CIAPIN1: variants seen among roughly 807,000 people sequenced by gnomAD.
CIAPIN1 encodes the protein cytokine induced apoptosis inhibitor 1, also known as anamorsin.
Under a neutral mutation model 34.3 loss-of-function variants are expected in CIAPIN1, and 18 were observed. That is an observed-to-expected ratio of 0.52 (90% CI 0.36 to 0.78). The LOEUF is 0.78. Ranked by LOEUF, CIAPIN1 falls within the 30% of genes least tolerant of loss-of-function variation. The probability of loss-of-function intolerance (pLI) is 0.00; values close to 1 mark genes in which losing one functional copy is unlikely to be tolerated. For missense variants in CIAPIN1, 310 were observed against 372.5 expected (o/e 0.83, Z 1.38); for synonymous variants, 131 against 140.4 (o/e 0.93, Z 0.47).
chr16:57,429,069 C>CATCCCA lies in CIAPIN1; in HGVS notation c.*100_*101insTGGGAT. ...AAGCACCCACTCTGCAAACAGATCT[C>CATCCCA]AGAGTGAACAAATCCAGAGGAGGTG... is the stretch of plus-strand genomic sequence containing the variant. On this transcript the variant is annotated 3_prime_UTR_variant, in exon 9 of 9. Coordinates refer to ENST00000394391, the MANE Select transcript of CIAPIN1 (RefSeq NM_020313.4). The CATCCCA allele has an allele frequency of 1.2e-6, 1 of 800,250 alleles. No individual in the cohort carries two copies. The highest frequency in any genetic ancestry group is 2.1e-6 in the Non-Finnish European group (1 of 468,866). The allele number at this position is 800,250 out of a possible 1,614,324, so 49.6% of individuals were successfully genotyped here.
At chr16:57,432,185 A>G (rs1485375732) in intron 6 of CIAPIN1, among the ~76,000 whole-genome samples, 4 of 152,166 alleles carry the variant, frequency 2.6e-5, no homozygotes, top group African/African-American at 7.2e-5. Context: ...GTGGTGGCAC[A>G]TGCCTGTAAT....
chr16:57,431,935 C>T (rs1050944636), intron 6 of CIAPIN1, among the ~76,000 whole-genome samples: 17 of 152,234 alleles, frequency 1.1e-4, no homozygotes, highest in Admixed American at 9.8e-4. Context: ...CAGGTTTACA[C>T]ATGCCCACAA....
chr16:57,429,891 C>A (rs981876440), intron 8 of CIAPIN1, among the ~76,000 whole-genome samples: 1 of 151,902 alleles, frequency 6.6e-6, no homozygotes, highest in African/African-American at 2.4e-5. Flanking sequence ...GTGATTCTCC[C>A]GCCTCAGCCT....
chr16:57,432,228 C>A (rs141847969), intron 6 of CIAPIN1, among the ~76,000 whole-genome samples: 1 of 152,118 alleles, frequency 6.6e-6, no homozygotes, highest in African/African-American at 2.4e-5. Context: ...ACATGAGAAT[C>A]GCTTGAACCC....
intron 1 of CIAPIN1, among the ~76,000 whole-genome samples, chr16:57,446,149 T>C (rs1475483084): frequency 1.3e-5 from 2 of 152,122 alleles, no homozygotes; most frequent in African/African-American, 4.8e-5. Flanking sequence ...AGAATTTTTT[T>C]TAAAAAGTGA....
At chr16:57,432,321 G>C (rs552324396) in intron 6 of CIAPIN1, among the ~76,000 whole-genome samples, 166 bp downstream of exon 6, 1 of 152,110 alleles carries the variant, frequency 6.6e-6, no homozygotes, top group Admixed American at 6.5e-5. Context: ...CAAAAAAAAA[G>C]CCACCAACAT....
rs571710081 is a variant in CIAPIN1, at chr16:57,447,347, G to C, written c.-61C>G. 657 of 619,912 alleles carry C rather than the reference G, an allele frequency of 1.1e-3. No homozygotes were observed. Among genetic ancestry groups the C allele is most frequent in the Non-Finnish European group, 1.4e-3 (612 of 429,674 alleles). 38.4% of individuals were successfully genotyped at this position (619,912 alleles called of 1,614,324 possible). A position where few individuals can be genotyped will look rare whatever the true frequency, so the allele number is the denominator to read the frequency against. The stretch of plus-strand genomic sequence containing the variant: ...CTGGCCCCCACCACTCTCACCTGCC[G>C]CCTGGGCTCGCTCCCGGCTTCTCTC... On this transcript the variant is annotated 5_prime_UTR_variant, in exon 1 of 9. Coordinates refer to ENST00000394391, the MANE Select transcript of CIAPIN1 (RefSeq NM_020313.4).
At chr16:57,429,439 T>G (rs1903029522) in intron 8 of CIAPIN1, among the ~76,000 whole-genome samples, 159 bp from the exon 9 acceptor site, 1 of 152,190 alleles carries the variant, frequency 6.6e-6, no homozygotes. Flanking sequence ...TTTTCAAGAT[T>G]TCTGGTTTCG....
At chr16:57,437,929 C>T (rs79670123) in intron 3 of CIAPIN1, among the ~76,000 whole-genome samples, 2 of 152,080 alleles carry the variant, frequency 1.3e-5, no homozygotes, top group East Asian at 3.9e-4. Context: ...TTTTATCACT[C>T]TCTGCTTCTT....
In CIAPIN1 at chr16:57,434,116, T is replaced by C. The variant is rs1903148438; in HGVS notation, c.484A>G (p.Lys162Glu). The C allele has an allele frequency of 1.2e-6, 2 of 1,614,108 alleles. No homozygotes were observed. The highest frequency in any genetic ancestry group is 2.7e-5 in the African/African-American group (2 of 74,932). ...GAACCCACTTCAAAGTTTGGTTTTTTGCCTGTGATCTGAACAAACAGCAGG... is the reference window on the plus strand; with the variant it reads ...GAACCCACTTCAAAGTTTGGTTTTTCGCCTGTGATCTGAACAAACAGCAGG... ...DNLLFVQITGKKPNFEVGSSR... is the reference protein window; with the variant it reads ...DNLLFVQITGEKPNFEVGSSR... The change falls in exon 5 of 9, where the codon AAA becomes GAA. Residue 162 changes from lysine (K) to glutamate (E), a missense_variant. Coordinates refer to ENST00000394391, the MANE Select transcript of CIAPIN1 (RefSeq NM_020313.4).
At chr16:57,436,223 T>C (rs1173016032) in intron 4 of CIAPIN1, among the ~76,000 whole-genome samples, 1 of 152,026 alleles carries the variant, frequency 6.6e-6, no homozygotes, top group African/African-American at 2.4e-5. Context: ...AAAAGTTTTT[T>C]TTTGTTTTGT....
Position 57,429,182 on chromosome 16 carries a change from A to G in CIAPIN1, c.927T>C (p.Leu309=). ...TGTCAGGAACCTCCTAGGCATCATG[A>G]AGATTGCTATCACTCAGAAGCACCT... ...GEKVLLSDSN[L]HDA is the part of the protein sequence containing the mutation. Residue 309 remains leucine, a synonymous_variant, in exon 9 of 9, where the codon CTT becomes CTC. Coordinates refer to ENST00000394391, the MANE Select transcript of CIAPIN1 (RefSeq NM_020313.4). 6 of 1,611,908 alleles carry G rather than the reference A, an allele frequency of 3.7e-6. No individual in the cohort carries two copies. The highest frequency in any genetic ancestry group is 5.1e-6 in the Non-Finnish European group (6 of 1,179,322).
rs1361047175 is a variant in CIAPIN1, at chr16:57,429,154, C to T, written c.*16G>A. ...AGTTGGCTGGAGGAGCAGATGGGTC[C>T]CATGTCAGGAACCTCCTAGGCATCA... On this transcript the variant is annotated 3_prime_UTR_variant, in exon 9 of 9. Coordinates refer to ENST00000394391, the MANE Select transcript of CIAPIN1 (RefSeq NM_020313.4). 3 of 1,577,950 alleles carry T rather than the reference C, an allele frequency of 1.9e-6. No homozygotes were observed. Among genetic ancestry groups the T allele is most frequent in the Non-Finnish European group, 1.7e-6 (2 of 1,149,034 alleles).
chr16:57,432,366 T>C (rs570903461), intron 6 of CIAPIN1, 121 bp downstream of exon 6: 16 of 713,284 alleles, frequency 2.2e-5, no homozygotes, highest in South Asian at 8.6e-5. Flanking sequence ...GTGACAGGCA[T>C]AGTCACAAAT....
In CIAPIN1 at chr16:57,432,551, G is replaced by A. The variant is rs1903111924; in HGVS notation, c.566C>T (p.Ala189Val). The A allele has an allele frequency of 3.1e-6, 5 of 1,612,698 alleles. No individual in the cohort carries two copies. The highest frequency in any genetic ancestry group is 4.2e-6 in the Non-Finnish European group (5 of 1,179,786). ...TKKSSPSVKPAVDPAAAKLWT... is the reference protein window; with the variant it reads ...TKKSSPSVKPVVDPAAAKLWT... The stretch of plus-strand genomic sequence containing the variant: ...CAGCTTGGCAGCAGCAGGGTCCACA[G>A]CAGGTTTCACTGAGTCCAAGCAATA... Residue 189 changes from alanine (A) to valine (V), a missense_variant, in exon 6 of 9, where the codon GCT becomes GTT. By Grantham distance (64) the Ala-to-Val change is moderately conservative (BLOSUM62 0). Coordinates refer to ENST00000394391, the MANE Select transcript of CIAPIN1 (RefSeq NM_020313.4).
chr16:57,440,097 G>A (rs976812860), intron 2 of CIAPIN1, among the ~76,000 whole-genome samples: 1 of 152,096 alleles, frequency 6.6e-6, no homozygotes, highest in African/African-American at 2.4e-5. Context: ...TTCCTAGGGG[G>A]AGGTCTCTAA....
intron 7 of CIAPIN1, 77 bp from the exon 8 acceptor site, chr16:57,430,416 GCTTTAAGC>G: frequency 2.2e-6 from 3 of 1,390,760 alleles, no homozygotes; most frequent in Non-Finnish European, 3.1e-6. Flanking sequence ...GCCAAAATGT[GCTTTAAGC>G]CTTTTCTCTT....
intron 1 of CIAPIN1, among the ~76,000 whole-genome samples, chr16:57,444,925 A>G (rs1409481314): frequency 6.6e-6 from 1 of 152,208 alleles, no homozygotes; most frequent in Non-Finnish European, 1.5e-5. Flanking sequence ...TTGTCACGTC[A>G]CTGAGCTTGT....
rs191162484 is a variant in CIAPIN1, at chr16:57,432,455, A to G, written c.630+32T>C. 6.3e-5 allele frequency: 101 copies of G among 1,607,460 alleles called. No homozygotes were observed. In the East Asian group the frequency reaches 1.9e-3, roughly 30 times the overall value. On this transcript the variant is annotated intron_variant, in intron 6 of 8. Transcript: ENST00000394391. ...TCACACCCAAACTGGGGCCTGAAAG[A>G]AAGCAATCAAGTGACAATGCTGCCA...
Sources: allele counts gnomAD v4.1 joint callset (sites outside exome capture counted in the v4.1 genomes callset), GRCh38; gene constraint gnomAD v4.1.1; transcripts MANE v1.5; gene names NCBI Gene and HGNC (gene_info 2026-07-23, HGNC 2026-07-21).